The following MUC3A variants were observed in gnomAD, a reference collection of about 807,000 sequenced individuals.
MUC3A encodes mucin-3A.
MUC3A carries 109 observed loss-of-function variants against 109.0 expected under a neutral mutation model. The ratio of observed to expected loss-of-function variants is 1.00; its 90% CI spans 0.86 to 1.17. The LOEUF is 1.17. Ranked by LOEUF, MUC3A falls within the 50% of genes most tolerant of loss-of-function variation. The probability of loss-of-function intolerance (pLI) is 0.00; values close to 1 mark genes in which losing one functional copy is unlikely to be tolerated. For synonymous variants in MUC3A, 1,398 were observed against 981.4 expected, an observed-to-expected ratio of 1.42 and a Z score of -7.93; for missense variants, 3,537 against 2,469.4, an observed-to-expected ratio of 1.43 and a Z score of -9.16.
rs948063606 is a variant in MUC3A at position 100,955,217 on chromosome 7, C to T, written c.3438C>T (p.Thr1146=). The T allele has an allele frequency of 8.7e-5, 57 of 653,110 alleles. 1 individual carries two copies. The highest frequency in any genetic ancestry group is 8.2e-4 in the South Asian group (56 of 68,072). The allele number at this position is 653,110 out of a possible 1,614,324, so 40.5% of individuals were successfully genotyped here. A position where few individuals can be genotyped will look rare whatever the true frequency, so the allele number is the denominator to read the frequency against. The change falls in exon 2 of 12, where the codon ACC becomes ACT. Residue 1146 remains threonine (T), a synonymous_variant. Transcript: ENST00000379458. ...CCTTGATAACCACCACCCCTAATAC[C>T]ACCTCCCTTAGTACCCCCAGCTTCA... ...TTTLITTTPN[T]TSLSTPSFTS...
At position 100,965,284 on chromosome 7, in the gene MUC3A, C is replaced by G. The variant is rs1283556628; in HGVS notation, c.9385C>G (p.Leu3129Val). Residue 3129 changes from leucine to valine, a missense_variant and splice_region_variant, in exon 7 of 12, where the codon CTG becomes GTG. Coordinates refer to ENST00000379458, the MANE Select transcript of MUC3A (RefSeq NM_005960.2). ...CATCTGTGCCTGTGTTTCCGCAGCC[C>G]TGTGTTTTAAGCCTGACTCCATCAA... is the stretch of plus-strand genomic sequence containing the variant. ...DVNSCQDSQTLCFKPDSIKVN... is the reference protein window; with the variant it reads ...DVNSCQDSQTVCFKPDSIKVN... 6.3e-7 allele frequency: 1 copy of G among 1,599,086 alleles called. No homozygotes were observed. The highest frequency in any genetic ancestry group is 1.1e-5 in the South Asian group (1 of 90,994).
chr7:100,959,783 G>A lies in MUC3A; in HGVS notation c.8004G>A (p.Thr2668=), dbSNP rs111656197. ...FTTESFTRGS[T]STNAILTSFS... ...CAGAATCTTTCACTAGGGGAAGTAC[G>A]TCTACAAATGCAATCTTGACTTCTT... is the stretch of plus-strand genomic sequence containing the variant. The change falls in exon 2 of 12, where the codon ACG becomes ACA. Residue 2668 remains threonine, a synonymous_variant. Transcript: ENST00000379458. 0.037 allele frequency: 58,033 copies of A among 1,581,056 alleles called. 1 individual carries two copies. Among genetic ancestry groups the A allele is most frequent in the African/African-American group, 0.26 (18,337 of 69,654 alleles).
At position 100,958,855 on chromosome 7, in the gene MUC3A, C is replaced by T. The variant is rs751052926; in HGVS notation, c.7076C>T (p.Thr2359Ile). The change falls in exon 2 of 12, where the codon ACT (threonine) becomes ATT (isoleucine). Residue 2359 changes from threonine to isoleucine, a missense_variant. Transcript: ENST00000379458. ...AACTCTCACAGTACTACCAGCTTCA[C>T]TTCTTCGATCACCACCACCGAGACC... is the stretch of plus-strand genomic sequence containing the variant. ...ETNSHSTTSF[T>I]SSITTTETTS... 6 of 1,407,232 alleles carry T rather than the reference C, an allele frequency of 4.3e-6. No individual in the cohort carries two copies. In the African/African-American group the frequency reaches 7.5e-5, roughly 17 times the overall value. 87.2% of individuals were successfully genotyped at this position (1,407,232 alleles called of 1,614,324 possible).
At position 100,955,461 on chromosome 7, in the gene MUC3A, A is replaced by C; in HGVS notation, c.3682A>C (p.Ser1228Arg). ...CCTCACATCAACATTCACTGTTTCCAGTTCCTCAGCAATGTCCACAAGTGT... is the reference window on the plus strand; with the variant it reads ...CCTCACATCAACATTCACTGTTTCCCGTTCCTCAGCAATGTCCACAAGTGT... ...TDLTSTFTVSSSSAMSTSVIP... is the reference protein window; with the variant it reads ...TDLTSTFTVSRSSAMSTSVIP... The change falls in exon 2 of 12, where the codon AGT (serine) becomes CGT (arginine). Residue 1228 changes from serine to arginine, a missense_variant. By Grantham distance (110) the Ser-to-Arg change is moderately radical (BLOSUM62 -1). Coordinates refer to ENST00000379458, the MANE Select transcript of MUC3A (RefSeq NM_005960.2). The C allele has an allele frequency of 1.7e-6, 1 of 583,038 alleles. No individual in the cohort carries two copies. The allele number at this position is 583,038 out of a possible 1,614,324, so 36.1% of individuals were successfully genotyped here.
Position 100,958,325 on chromosome 7 carries a change from C to A in MUC3A, c.6546C>A (p.Ser2182=), listed in dbSNP as rs1792159297. The change falls in exon 2 of 12, where the codon TCC becomes TCA. Residue 2182 remains serine (S), a synonymous_variant. Transcript: ENST00000379458. ...GGTGGGGGACCACCGAGACCACATC[C>A]TACAGTACTCCCAGCTTCACTTCTT... is the stretch of plus-strand genomic sequence containing the variant. ...SHRWGTTETT[S]YSTPSFTSSN... is the part of the protein sequence containing the mutation. 1.7e-3 allele frequency: 113 copies of A among 66,194 alleles called. 1 individual carries two copies. Among genetic ancestry groups the A allele is most frequent in the Admixed American group, 7.6e-3 (22 of 2,892 alleles). The allele number at this position is 66,194 out of a possible 1,614,324, so 4.1% of individuals were successfully genotyped here.
rs1044915341 is a variant in MUC3A, at chr7:100,952,854, G to C, written c.1075G>C (p.Gly359Arg). 1.2e-5 allele frequency: 19 copies of C among 1,537,528 alleles called. No homozygotes were observed. Among genetic ancestry groups the C allele is most frequent in the Middle Eastern group, 3.4e-4 (2 of 5,942 alleles). The change falls in exon 2 of 12, where the codon GGT (glycine) becomes CGT (arginine). Residue 359 changes from glycine to arginine, a missense_variant. Transcript: ENST00000379458. ...AATCGCCTACTCCACAAGTATGACA[G>C]GTACATTGTCCACAGAGACTTCTCT... ...TKIAYSTSMTGTLSTETSLPP... is the reference protein window; with the variant it reads ...TKIAYSTSMTRTLSTETSLPP...
Position 100,967,735 on chromosome 7 carries a change from AC to A in MUC3A, c.*577del. 2 of 182,214 alleles carry A rather than the reference AC, an allele frequency of 1.1e-5. No homozygotes were observed. The highest frequency in any genetic ancestry group is 2.3e-5 in the Non-Finnish European group (2 of 86,980). 11.3% of individuals were successfully genotyped at this position (182,214 alleles called of 1,614,324 possible). ...ATTCCTTAGACGTCCTCCCCTTTTG[AC>A]CCCGTTCCTTCATCCATCCTGCACC... On this transcript the variant is annotated 3_prime_UTR_variant, in exon 12 of 12. Transcript: ENST00000379458.
Position 100,964,858 on chromosome 7 carries a change from G to A in MUC3A, c.9382+15G>A, listed in dbSNP as rs749542175. 1.3e-6 allele frequency: 2 copies of A among 1,592,948 alleles called. No homozygotes were observed. The highest frequency in any genetic ancestry group is 1.7e-6 in the Non-Finnish European group (2 of 1,176,100). ...GGACTCCCAGAGTGAGCCCAGGCTG[G>A]AGGGAGGGGCCAGGGCCTGAGGTGT... is the stretch of plus-strand genomic sequence containing the variant. On this transcript the variant is annotated intron_variant, in intron 6 of 11. Transcript: ENST00000379458.
chr7:100,967,227 C>A lies in MUC3A; in HGVS notation c.*65C>A. 6.3e-7 allele frequency: 1 copy of A among 1,592,608 alleles called. No individual in the cohort carries two copies. Among genetic ancestry groups the A allele is most frequent in the African/African-American group, 1.3e-5 (1 of 74,964 alleles). On this transcript the variant is annotated 3_prime_UTR_variant, in exon 12 of 12. Coordinates refer to ENST00000379458, the MANE Select transcript of MUC3A (RefSeq NM_005960.2). ...CGGACACAAGGGTCTGCATTGCGTC[C>A]ATTTCAAGAGGTGGCCCCAGGACGC...
chr7:100,957,875 C>G lies in MUC3A; in HGVS notation c.6096C>G (p.Thr2032=). 2.4e-6 allele frequency: 1 copy of G among 408,202 alleles called. No homozygotes were observed. The highest frequency in any genetic ancestry group is 3.9e-6 in the Non-Finnish European group (1 of 254,880). The allele number at this position is 408,202 out of a possible 1,614,324, so 25.3% of individuals were successfully genotyped here. A position where few individuals can be genotyped will look rare whatever the true frequency, so the allele number is the denominator to read the frequency against. ...NTPSLTSSIT[T]TETTSHSTPS... ...CCAGCTTGACTTCTTCGATCACAAC[C>G]ACCGAGACCACATCCCATAGTACTC... Residue 2032 remains threonine, a synonymous_variant, in exon 2 of 12, where the codon ACC becomes ACG. Coordinates refer to ENST00000379458, the MANE Select transcript of MUC3A (RefSeq NM_005960.2).
Position 100,953,281 on chromosome 7 carries a change from G to T in MUC3A, c.1502G>T (p.Ser501Ile). Residue 501 changes from serine (S) to isoleucine (I), a missense_variant, in exon 2 of 12, where the codon AGC becomes ATC. Ser to Ile is a moderately radical substitution (Grantham distance 142). Coordinates refer to ENST00000379458, the MANE Select transcript of MUC3A (RefSeq NM_005960.2). Reference sequence around the variant, plus strand: ...AATACAGAAACCTCATCCCTTGTCAGCATGACCTCTGCCACTACTCCCAAT... The same window carrying T: ...AATACAGAAACCTCATCCCTTGTCATCATGACCTCTGCCACTACTCCCAAT... ...IQNTETSSLV[S>I]MTSATTPNVR... 2.6e-6 allele frequency: 1 copy of T among 384,740 alleles called. No individual in the cohort carries two copies. The allele number at this position is 384,740 out of a possible 1,614,324, so 23.8% of individuals were successfully genotyped here.
chr7:100,950,528 C>G (rs1048974420), intron 1 of MUC3A, among the ~76,000 whole-genome samples: 1 of 141,992 alleles, frequency 7.0e-6, no homozygotes, highest in Non-Finnish European at 1.5e-5. Context: ...ATCCCTGACC[C>G]CACTTCCCTG....
chr7:100,964,774 G>A lies in MUC3A; in HGVS notation c.9313G>A (p.Val3105Met), dbSNP rs1179865548. Residue 3105 changes from valine to methionine, a missense_variant, in exon 6 of 12, where the codon GTG becomes ATG. Physicochemically the swap from Val to Met is conservative, Grantham distance 21. Transcript: ENST00000379458. Reference protein sequence around the residue: ...SPQLESEYEQVKTTLKEGLQN... With the variant: ...SPQLESEYEQMKTTLKEGLQN... ...CCAGCTGGAGAGCGAGTATGAGCAG[G>A]TGAAGACCACGCTGAAGGAGGGGCT... is the stretch of plus-strand genomic sequence containing the variant. The A allele has an allele frequency of 1.9e-6, 3 of 1,598,364 alleles. No individual in the cohort carries two copies. Among genetic ancestry groups the A allele is most frequent in the East Asian group, 2.2e-5 (1 of 44,904 alleles).
At position 100,959,160 on chromosome 7, in the gene MUC3A, T is replaced by G. The variant is rs1300654149; in HGVS notation, c.7381T>G (p.Ser2461Ala). The change falls in exon 2 of 12, where the codon TCA (serine) becomes GCA (alanine). Residue 2461 changes from serine (S) to alanine (A), a missense_variant. Ser to Ala is a moderately conservative substitution (Grantham distance 99). Coordinates refer to ENST00000379458, the MANE Select transcript of MUC3A (RefSeq NM_005960.2). ...TVSTSTTAIT[S>A]HFTTSETAVT... ...CAGCACATCCACAACTGCCATCACC[T>G]CACATTTTACTACCTCAGAGACTGC... 1 of 1,559,610 alleles carries G rather than the reference T, an allele frequency of 6.4e-7. No individual in the cohort carries two copies. Among genetic ancestry groups the G allele is most frequent in the South Asian group, 1.1e-5 (1 of 89,624 alleles).
intron 11 of MUC3A, 85 bp downstream of exon 11, chr7:100,967,036 G>GGGGCT: frequency 2.5e-6 from 4 of 1,598,490 alleles, no homozygotes; most frequent in Non-Finnish European, 3.4e-6. Flanking sequence ...GGGCAGGGAG[G>GGGGCT]GGGCTGGGCT....
chr7:100,963,807 A>G, intron 5 of MUC3A, 55 bp downstream of exon 5: 2 of 1,595,392 alleles, frequency 1.3e-6, no homozygotes, highest in Non-Finnish European at 1.7e-6. Context: ...AAATGTGCGC[A>G]CACAAAAAAC....
chr7:100,963,709 A>G lies in MUC3A; in HGVS notation c.9190A>G (p.Met3064Val), dbSNP rs919029512. Reference protein sequence around the residue: ...WNQMQKIFADMQGFTFKGVEI... With the variant: ...WNQMQKIFADVQGFTFKGVEI... ...TCAGATGCAGAAGATTTTTGCAGAC[A>G]TGCAGGGCTTCACCTTCAAGGGTGT... Residue 3064 changes from methionine to valine, a missense_variant, in exon 5 of 12, where the codon ATG becomes GTG. By Grantham distance (21) the Met-to-Val change is conservative. Coordinates refer to ENST00000379458, the MANE Select transcript of MUC3A (RefSeq NM_005960.2). 13 of 1,598,400 alleles carry G rather than the reference A, an allele frequency of 8.1e-6. No homozygotes were observed. Among genetic ancestry groups the G allele is most frequent in the Admixed American group, 1.7e-5 (1 of 60,012 alleles).
chr7:100,958,123 C>CCAG lies in MUC3A; in HGVS notation c.6346_6347insGCA (p.Thr2115_Thr2116insSer). The CCAG allele has an allele frequency of 8.3e-7, 1 of 1,206,368 alleles. No individual in the cohort carries two copies. Among genetic ancestry groups the CCAG allele is most frequent in the East Asian group, 2.9e-5 (1 of 34,052 alleles). 74.7% of individuals were successfully genotyped at this position (1,206,368 alleles called of 1,614,324 possible). A position where few individuals can be genotyped will look rare whatever the true frequency, so the allele number is the denominator to read the frequency against. ...ACTCCCAGCTTCACTTCCTCAATCA[C>CCAG]CACCTCTGAGATGCCCTCACACAGT... On this transcript the variant is annotated inframe_insertion, in exon 2 of 12. Coordinates refer to ENST00000379458, the MANE Select transcript of MUC3A (RefSeq NM_005960.2).
rs1792644168 is a variant in MUC3A at position 100,967,499 on chromosome 7, C to G, written c.*337C>G. ...ACATAGACTTGGTCAATTCTCGGTC[C>G]TACTCTGCCCTCCCGTCTCAGCCCT... On this transcript the variant is annotated 3_prime_UTR_variant, in exon 12 of 12. Transcript: ENST00000379458. 1 of 535,766 alleles carries G rather than the reference C, an allele frequency of 1.9e-6. No homozygotes were observed. The highest frequency in any genetic ancestry group is 1.9e-5 in the African/African-American group (1 of 53,076). The allele number at this position is 535,766 out of a possible 1,614,324, so 33.2% of individuals were successfully genotyped here.
Sources: allele counts gnomAD v4.1 joint callset (sites outside exome capture counted in the v4.1 genomes callset), GRCh38; gene constraint gnomAD v4.1.1; transcripts MANE v1.5; gene names NCBI Gene and HGNC (gene_info 2026-07-23, HGNC 2026-07-21).